The following ILRUN variants were observed in gnomAD, a reference collection of about 807,000 sequenced individuals.
The protein encoded by ILRUN is protein ILRUN.
A neutral mutation model predicts 33.8 loss-of-function variants in ILRUN; 3 were observed. That is an observed-to-expected ratio of 0.09 (90% CI 0.04 to 0.23). The LOEUF is 0.23. Ranked by LOEUF, ILRUN falls within the 10% of genes least tolerant of loss-of-function variation. The pLI is 1.00. For synonymous variants in ILRUN, 124 were observed against 138.9 expected, an observed-to-expected ratio of 0.89 and a Z score of 0.75; for missense variants, 210 against 375.1, an observed-to-expected ratio of 0.56 and a Z score of 3.64.
At chr6:34,623,570 A>T (rs891633184) in intron 3 of ILRUN, among the ~76,000 whole-genome samples, 3 of 152,230 alleles carry the variant, frequency 2.0e-5, no homozygotes, top group African/African-American at 7.2e-5. Flanking sequence ...AAAAAAACGT[A>T]ATATAGCATG....
At chr6:34,647,805 C>T (rs890641864) in intron 2 of ILRUN, among the ~76,000 whole-genome samples, 2 of 152,050 alleles carry the variant, frequency 1.3e-5, no homozygotes, top group Admixed American at 1.3e-4. Context: ...CCTCATGATC[C>T]GTCTGCCTCA....
At chr6:34,613,044 A>AG (rs1475279522) in intron 3 of ILRUN, among the ~76,000 whole-genome samples, 3 of 141,784 alleles carry the variant, frequency 2.1e-5, no homozygotes, top group African/African-American at 8.8e-5. Flanking sequence ...CTCCGTCTCA[A>AG]GGAAAAAAAA....
intron 3 of ILRUN, among the ~76,000 whole-genome samples, chr6:34,642,026 C>T (rs972251581): frequency 2.0e-5 from 3 of 152,170 alleles, no homozygotes; most frequent in South Asian, 2.1e-4. Context: ...AAAAAAAACT[C>T]CTCACTATGA....
intron 3 of ILRUN, among the ~76,000 whole-genome samples, chr6:34,609,364 C>G (rs931559815): frequency 6.6e-6 from 1 of 152,144 alleles, no homozygotes; most frequent in African/African-American, 2.4e-5. Flanking sequence ...GTGGTGCACG[C>G]CTGTAGTCTT....
intron 3 of ILRUN, among the ~76,000 whole-genome samples, chr6:34,610,711 ACTC>A (rs1761730652): frequency 6.6e-6 from 1 of 152,148 alleles, no homozygotes; most frequent in African/African-American, 2.4e-5. Flanking sequence ...CTGTAGTTTT[ACTC>A]CTCCTTGTCT....
intron 4 of ILRUN, among the ~76,000 whole-genome samples, chr6:34,599,761 C>T (rs1309179379): frequency 6.6e-6 from 1 of 152,190 alleles, no homozygotes; most frequent in Admixed American, 6.5e-5. Flanking sequence ...GCCCACTTGA[C>T]ACCTCCATTT....
At chr6:34,599,366 C>CT (rs756751452) in intron 4 of ILRUN, among the ~76,000 whole-genome samples, 35 of 152,216 alleles carry the variant, frequency 2.3e-4, no homozygotes, top group Non-Finnish European at 4.4e-4. Flanking sequence ...CCTTGGACCT[C>CT]TAACTATGCC....
intron 1 of ILRUN, among the ~76,000 whole-genome samples, chr6:34,663,266 T>C (rs984384894): frequency 6.6e-6 from 1 of 151,680 alleles, no homozygotes; most frequent in African/African-American, 2.4e-5. Context: ...TACAAAAAAA[T>C]TGAAAAATTA....
Position 34,589,577 on chromosome 6 carries a change from A to G in ILRUN, c.*988T>C, listed in dbSNP as rs928413990. ...CCACCTTCAAGCTTGCCTACTGCAC[A>G]CCTGCTGGTGAGTTGCACCAACACC... On this transcript the variant is annotated 3_prime_UTR_variant, in exon 5 of 5. Coordinates refer to ENST00000374023, the MANE Select transcript of ILRUN (RefSeq NM_024294.4). 1 of 152,244 alleles carries G rather than the reference A, an allele frequency of 6.6e-6. No individual in the cohort carries two copies. Among genetic ancestry groups the G allele is most frequent in the African/African-American group, 2.4e-5 (1 of 41,470 alleles). 9.4% of individuals were successfully genotyped at this position (152,244 alleles called of 1,614,324 possible).
chr6:34,663,943 G>C (rs1354395668), intron 1 of ILRUN, among the ~76,000 whole-genome samples: 1 of 152,180 alleles, frequency 6.6e-6, no homozygotes, highest in Non-Finnish European at 1.5e-5. Context: ...TTCCTTAAGA[G>C]TGGAAGAGGG....
rs1415983398 is a variant in ILRUN, at chr6:34,592,956, T to C, written c.862-2356A>G. Among the ~76,000 whole-genome samples, 1 of 152,138 alleles carries C rather than the reference T, an allele frequency of 6.6e-6. No homozygotes were observed. Among genetic ancestry groups the C allele is most frequent in the Non-Finnish European group, 1.5e-5 (1 of 68,022 alleles). ...TGGGAGGCCCAGGCGGGAGAACTGC[T>C]TGAGGTGAGGAGTTAGGAGATCAGT... is the stretch of plus-strand genomic sequence containing the variant. On this transcript the variant is annotated intron_variant, in intron 4 of 4. Transcript: ENST00000374023. This position sits in a 1 kb window ranked among gnomAD's most constrained non-coding sequence, Gnocchi z 4.0.
chr6:34,652,265 A>G (rs1454440748), intron 2 of ILRUN, among the ~76,000 whole-genome samples: 1 of 152,246 alleles, frequency 6.6e-6, no homozygotes, highest in Admixed American at 6.5e-5. Flanking sequence ...ACTTTGAACA[A>G]GTAAGAATTT....
chr6:34,661,790 C>T (rs1257465151), intron 1 of ILRUN, among the ~76,000 whole-genome samples: 2 of 152,018 alleles, frequency 1.3e-5, no homozygotes, highest in East Asian at 3.9e-4. Context: ...TGTATAATGG[C>T]TTCTAGGGAG....
intron 3 of ILRUN, among the ~76,000 whole-genome samples, chr6:34,614,586 C>T (rs1027455503): frequency 1.2e-4 from 18 of 149,134 alleles, no homozygotes; most frequent in African/African-American, 4.5e-4. Flanking sequence ...CAGAGGAATT[C>T]CAAACAATAT....
At chr6:34,644,711 T>C (rs529429099) in intron 3 of ILRUN, among the ~76,000 whole-genome samples, 2 of 151,938 alleles carry the variant, frequency 1.3e-5, no homozygotes, top group Non-Finnish European at 2.9e-5. Context: ...AGCATGTGCA[T>C]GATATTAATG....
intron 1 of ILRUN, among the ~76,000 whole-genome samples, chr6:34,656,693 G>A (rs1019203036): frequency 6.6e-6 from 1 of 152,166 alleles, no homozygotes; most frequent in African/African-American, 2.4e-5. Flanking sequence ...GCTAATAACA[G>A]CAAATAATTT....
intron 1 of ILRUN, among the ~76,000 whole-genome samples, chr6:34,669,095 T>C (rs759582394): frequency 6.6e-6 from 1 of 152,070 alleles, no homozygotes; most frequent in Non-Finnish European, 1.5e-5. Context: ...TCCACCCATC[T>C]TGGCCTCCCA....
chr6:34,623,566 AC>A (rs532265219), intron 3 of ILRUN, among the ~76,000 whole-genome samples: 63 of 152,344 alleles, frequency 4.1e-4, no homozygotes, highest in African/African-American at 1.3e-3. Flanking sequence ...CCACAAAAAA[AC>A]GTAATATAGC....
At chr6:34,612,636 G>C (rs1359565197) in intron 3 of ILRUN, among the ~76,000 whole-genome samples, 1 of 152,168 alleles carries the variant, frequency 6.6e-6, no homozygotes, top group Non-Finnish European at 1.5e-5. Context: ...GCCAGGTACA[G>C]CAGCTCATGC....
Sources: allele counts gnomAD v4.1 joint callset (sites outside exome capture counted in the v4.1 genomes callset), GRCh38; gene constraint gnomAD v4.1.1; non-coding constraint Gnocchi (gnomAD v3.1); transcripts MANE v1.5; gene names NCBI Gene and HGNC (gene_info 2026-07-23, HGNC 2026-07-21).